Variants in CSMD2 observed in about 807,000 individuals in gnomAD.
CSMD2 encodes CUB and sushi domain-containing protein 2.
CSMD2 carries 130 observed loss-of-function variants against 398.5 expected under a neutral mutation model. The observed-to-expected ratio is 0.33, with a 90% CI of 0.28 to 0.38. The LOEUF is 0.38. CSMD2 is among the 10% of genes least tolerant of loss of function. CSMD2 has a pLI of 1.00. For synonymous variants in CSMD2, 1,828 were observed against 1,908.5 expected, an observed-to-expected ratio of 0.96 and a Z score of 1.10; for missense variants, 3,829 against 4,764.9, an observed-to-expected ratio of 0.80 and a Z score of 5.78.
Position 34,089,018 on chromosome 1 carries a change from C to T in CSMD2, c.363G>A (p.Ser121=), listed in dbSNP as rs141030168. Residue 121 remains serine (S), a synonymous_variant, in exon 2 of 71, where the codon TCG becomes TCA. Transcript: ENST00000373381. The part of the protein sequence containing the change: ...FALEEDFDVL[S]VFDGPPQPEN... ...CTGGCTGGGGTGGACCATCAAACAC[C>T]GACAGGACATCAAAGTCCTCTTCCA... The T allele has an allele frequency of 2.0e-4, 324 of 1,614,066 alleles. No individual in the cohort carries two copies. Among genetic ancestry groups the T allele is most frequent in the Non-Finnish European group, 2.3e-4 (266 of 1,180,022 alleles).
chr1:33,871,359 G>C (rs1448493034), intron 5 of CSMD2, among the ~76,000 whole-genome samples: 1 of 152,160 alleles, frequency 6.6e-6, no homozygotes, highest in African/African-American at 2.4e-5. Flanking sequence ...TGGACTTTGA[G>C]GATACAGCTG....
chr1:33,998,792 C>A (rs1646806534), intron 3 of CSMD2, among the ~76,000 whole-genome samples: 1 of 152,208 alleles, frequency 6.6e-6, no homozygotes, highest in African/African-American at 2.4e-5. Context: ...TTAAACCAAG[C>A]TCAGGGTTCT....
chr1:33,548,988 T>C (rs1657168041), intron 56 of CSMD2, among the ~76,000 whole-genome samples: 1 of 152,134 alleles, frequency 6.6e-6, no homozygotes, highest in African/African-American at 2.4e-5. Context: ...TTAATAGGGG[T>C]GAGAGGCCAA....
rs370267917 is a variant in CSMD2, at chr1:33,617,595, C to T, written c.5850G>A (p.Pro1950=). ...EYKTVGLSSC[P]EPAVPSNGVK... is the part of the protein sequence containing the mutation. The stretch of plus-strand genomic sequence containing the variant: ...CCCCGTTACTGGGCACAGCAGGTTC[C>T]GGACAACTGCTCAGGCCCACCGCTA... The change falls in exon 38 of 71, where the codon CCG becomes CCA. Residue 1950 remains proline (P), a synonymous_variant. Transcript: ENST00000373381. 102 of 1,613,996 alleles carry T rather than the reference C, an allele frequency of 6.3e-5. No homozygotes were observed. The highest frequency in any genetic ancestry group is 5.5e-4 in the Admixed American group (33 of 60,010).
chr1:33,589,885 C>A (rs1168914459), intron 44 of CSMD2, among the ~76,000 whole-genome samples: 1 of 152,116 alleles, frequency 6.6e-6, no homozygotes. Flanking sequence ...TTATTTATGG[C>A]ACTTTTGATT....
intron 20 of CSMD2, among the ~76,000 whole-genome samples, chr1:33,715,539 T>C (rs539387206): frequency 1.6e-3 from 243 of 152,316 alleles, no homozygotes; most frequent in African/African-American, 5.6e-3. Context: ...TATGTCCCAT[T>C]GGCCAAGTGA....
intron 70 of CSMD2, among the ~76,000 whole-genome samples, chr1:33,517,010 C>CT (rs1186263487): frequency 6.6e-6 from 1 of 151,716 alleles, no homozygotes; most frequent in African/African-American, 2.4e-5. Context: ...ATTTTTGATA[C>CT]TTTTTTTTAA....
chr1:33,938,702 C>T (rs1375413735), intron 3 of CSMD2, among the ~76,000 whole-genome samples: 1 of 142,194 alleles, frequency 7.0e-6, no homozygotes, highest in African/African-American at 2.7e-5. Flanking sequence ...TCCCATGATC[C>T]TGTACTGCTG....
chr1:34,012,447 T>A (rs1647484751), intron 3 of CSMD2, among the ~76,000 whole-genome samples: 1 of 150,504 alleles, frequency 6.6e-6, no homozygotes, highest in Admixed American at 6.6e-5. Flanking sequence ...AACTTGTCTA[T>A]TTTTTTTTTC....
intron 44 of CSMD2, among the ~76,000 whole-genome samples, chr1:33,588,753 G>A (rs566189814): frequency 2.6e-5 from 4 of 152,142 alleles, no homozygotes; most frequent in Non-Finnish European, 5.9e-5. Context: ...CTTGCAGCTT[G>A]AGACATTATA....
intron 3 of CSMD2, among the ~76,000 whole-genome samples, chr1:33,992,990 C>T (rs577475974): frequency 6.6e-6 from 1 of 151,682 alleles, no homozygotes; most frequent in Admixed American, 6.6e-5. Flanking sequence ...TGAAAAAAAG[C>T]AAGTTTCAGA....
chr1:33,664,390 A>G (rs900445994), intron 25 of CSMD2, among the ~76,000 whole-genome samples: 4 of 152,228 alleles, frequency 2.6e-5, no homozygotes, highest in African/African-American at 9.6e-5. Context: ...ACATTGTTAT[A>G]TAACACAATT....
At chr1:33,759,607 G>A (rs1000945422) in intron 13 of CSMD2, among the ~76,000 whole-genome samples, 1 of 152,026 alleles carries the variant, frequency 6.6e-6, no homozygotes, top group Non-Finnish European at 1.5e-5. Flanking sequence ...TTACAGGCAT[G>A]AGCGACTGTG....
At position 34,165,106 on chromosome 1, in the gene CSMD2, C is replaced by G; in HGVS notation, c.-9G>C. Reference sequence around the variant, plus strand: ...CCCCGCGAGCGCGGCATGGCGCGGCCGGCAGCGCCGAGGGAGAGGCTCCGC... The same window carrying G: ...CCCCGCGAGCGCGGCATGGCGCGGCGGGCAGCGCCGAGGGAGAGGCTCCGC... On this transcript the variant is annotated 5_prime_UTR_variant, in exon 1 of 71. Coordinates refer to ENST00000373381, the MANE Select transcript of CSMD2 (RefSeq NM_001281956.2). The G allele has an allele frequency of 1.6e-6, 2 of 1,214,130 alleles. No individual in the cohort carries two copies. The highest frequency in any genetic ancestry group is 6.6e-5 in the East Asian group (2 of 30,160). 75.2% of individuals were successfully genotyped at this position (1,214,130 alleles called of 1,614,324 possible). A position where few individuals can be genotyped will look rare whatever the true frequency, so the allele number is the denominator to read the frequency against.
At position 33,527,220 on chromosome 1, in the gene CSMD2, C is replaced by T. The variant is rs1440418847; in HGVS notation, c.10210G>A (p.Glu3404Lys). Residue 3404 changes from glutamate (E) to lysine (K), a missense_variant, in exon 65 of 71, where the codon GAG becomes AAG. Glu to Lys is a moderately conservative substitution (Grantham distance 56). Around this residue, in one of 5 missense-constraint regions of CSMD2, gnomAD observed 917 missense variants for 1,199.5 expected, o/e 0.76. Coordinates refer to ENST00000373381, the MANE Select transcript of CSMD2 (RefSeq NM_001281956.2). The stretch of plus-strand genomic sequence containing the variant: ...CTCAAGGCTTGGGTGAGCGGTGGCT[C>T]CCGGGCAGTGTTGATGGGTCTCCCA... ...PSGRPINTAR[E>K]PPLTQALIPG... 3.1e-6 allele frequency: 5 copies of T among 1,614,124 alleles called. No homozygotes were observed. Among genetic ancestry groups the T allele is most frequent in the Non-Finnish European group, 4.2e-6 (5 of 1,179,994 alleles).
chr1:33,622,394 C>T (rs556310157), intron 36 of CSMD2, 123 bp from the exon 37 acceptor site: 4 of 697,800 alleles, frequency 5.7e-6, no homozygotes, highest in African/African-American at 3.5e-5. Flanking sequence ...CAGATGTCCC[C>T]AGTTATGAAA....
intron 14 of CSMD2, 127 bp downstream of exon 14, chr1:33,743,153 G>A: frequency 1.4e-6 from 1 of 739,798 alleles, no homozygotes; most frequent in South Asian, 2.0e-5. Context: ...ACTGGGCACT[G>A]CAGCCCTGCA....
At chr1:33,728,223 A>G (rs1373265324) in intron 15 of CSMD2, among the ~76,000 whole-genome samples, 1 of 152,142 alleles carries the variant, frequency 6.6e-6, no homozygotes, top group African/African-American at 2.4e-5. Flanking sequence ...AATTCCCTGA[A>G]CAAGACTGGG....
Position 33,611,133 on chromosome 1 carries a change from G to A in CSMD2, c.6251C>T (p.Pro2084Leu). 2 of 1,614,098 alleles carry A rather than the reference G, an allele frequency of 1.2e-6. No homozygotes were observed. Among genetic ancestry groups the A allele is most frequent in the Non-Finnish European group, 1.7e-6 (2 of 1,180,024 alleles). The change falls in exon 41 of 71, where the codon CCA (proline) becomes CTA (leucine). Residue 2084 changes from proline (P) to leucine (L), a missense_variant. Physicochemically the swap from Pro to Leu is moderately conservative, Grantham distance 98 (BLOSUM62 -3). This residue lies in a region of CSMD2 where 2,001 missense variants were observed against 2,567.1 expected (regional missense o/e 0.78). Coordinates refer to ENST00000373381, the MANE Select transcript of CSMD2 (RefSeq NM_001281956.2). The stretch of plus-strand genomic sequence containing the variant: ...GTGGGACGTGGAGAGGAGGGAGCTT[G>A]GAAGCTCGCTTCCACTGAATCTTCC... The part of the protein sequence containing the change: ...MMGRFSGSEL[P>L]SSLLSTSHET...
Sources: gnomAD v4.1 joint callset for allele counts (sites outside exome capture counted in the v4.1 genomes callset) on GRCh38, gnomAD v4.1.1 for gene constraint, gnomAD v4.1.1 regional missense constraint, MANE v1.5 for transcripts, NCBI Gene and HGNC (gene_info 2026-07-23, HGNC 2026-07-21) for gene names.